Variants in MAP3K5 observed in about 807,000 individuals in gnomAD.
MAP3K5 encodes ASK-1.
A neutral mutation model predicts 158.7 loss-of-function variants in MAP3K5; 56 were observed. The observed-to-expected ratio is 0.35, with a 90% confidence interval of 0.28 to 0.44. The LOEUF (loss-of-function observed/expected upper bound fraction) is 0.44, where lower values mean the gene tolerates loss of function less well. Among genes scored for constraint, MAP3K5 ranks in the 20% least tolerant of loss-of-function variants. The pLI, the probability that MAP3K5 is intolerant of heterozygous loss-of-function variation, is 1.00. For missense variants in MAP3K5, 1,294 were observed against 1,674.8 expected (o/e 0.77, Z 3.97); for synonymous variants, 579 against 601.7 (o/e 0.96, Z 0.55).
At chr6:136,592,833 G>A (rs2129081541) in intron 21 of MAP3K5, 1 of 606,076 alleles carries the variant, frequency 1.6e-6, no homozygotes, top group Admixed American at 2.1e-5. Context: ...CCAGGCCCTG[G>A]GAGGGATATC....
chr6:136,564,960 C>G (rs1329731290), intron 26 of MAP3K5, among the ~76,000 whole-genome samples: 1 of 151,974 alleles, frequency 6.6e-6, no homozygotes, highest in Non-Finnish European at 1.5e-5. Context: ...CGTCACTTTA[C>G]TTTTATTTTC....
At chr6:136,611,238 T>G in intron 18 of MAP3K5, 44 bp downstream of exon 18, 1 of 1,220,638 alleles carries the variant, frequency 8.2e-7, no homozygotes, top group Non-Finnish European at 1.2e-6. Context: ...CAGCAATTAT[T>G]TCTTTAATTA....
intron 23 of MAP3K5, among the ~76,000 whole-genome samples, chr6:136,591,334 G>A (rs1775377484): frequency 2.0e-5 from 3 of 152,260 alleles, no homozygotes; most frequent in Non-Finnish European, 4.4e-5. Context: ...GTGTGTGTGT[G>A]TATGTACCCT....
At chr6:136,713,342 G>A (rs1359673532) in intron 2 of MAP3K5, among the ~76,000 whole-genome samples, 2 of 152,212 alleles carry the variant, frequency 1.3e-5, no homozygotes, top group African/African-American at 4.8e-5. Flanking sequence ...ATTCAAAACA[G>A]TGGGCAAGGA....
At chr6:136,558,910 T>C in intron 28 of MAP3K5, 34 bp from the exon 29 acceptor site, 1 of 1,029,282 alleles carries the variant, frequency 9.7e-7, no homozygotes. Flanking sequence ...CAAAAGATGT[T>C]TTATATAACT....
At chr6:136,592,085 T>G (rs1775411294) in intron 23 of MAP3K5, 88 bp downstream of exon 23, 2 of 1,291,894 alleles carry the variant, frequency 1.5e-6, no homozygotes, top group Admixed American at 5.0e-5. Flanking sequence ...CCTCTTGCCT[T>G]TCACATCATC....
chr6:136,614,085 T>C lies in MAP3K5; in HGVS notation c.2278+74A>G, dbSNP rs1056136909. The C allele has an allele frequency of 2.0e-6, 3 of 1,535,602 alleles. No individual in the cohort carries two copies. The African/African-American group carries it at 4.2e-5, about 21-fold the overall frequency. ...AGACAGATTAAGACCTGTACGCTAGTAAATCCCATTCAATTTTACTCCCCT... is the reference window on the plus strand; with the variant it reads ...AGACAGATTAAGACCTGTACGCTAGCAAATCCCATTCAATTTTACTCCCCT... On this transcript the variant is annotated intron_variant, in intron 16 of 29. Coordinates refer to ENST00000359015, the MANE Select transcript of MAP3K5 (RefSeq NM_005923.4).
chr6:136,743,168 C>T (rs1006385358), intron 1 of MAP3K5, among the ~76,000 whole-genome samples: 18 of 151,790 alleles, frequency 1.2e-4, no homozygotes, highest in African/African-American at 3.9e-4. Flanking sequence ...CATTAAGATA[C>T]GGCTGGGCGC....
chr6:136,782,942 C>CTGGT (rs1784678952), intron 1 of MAP3K5, among the ~76,000 whole-genome samples: 1 of 152,228 alleles, frequency 6.6e-6, no homozygotes, highest in Non-Finnish European at 1.5e-5. Context: ...TGCTTTTCCA[C>CTGGT]TAACCTGGCA....
intron 1 of MAP3K5, among the ~76,000 whole-genome samples, chr6:136,726,636 G>T (rs1342912532): frequency 6.6e-6 from 1 of 151,686 alleles, no homozygotes; most frequent in African/African-American, 2.4e-5. Context: ...TACTTAGGCC[G>T]TCGTTTTTTA....
chr6:136,646,080 G>GA (rs1431542795), intron 11 of MAP3K5, among the ~76,000 whole-genome samples: 1 of 152,090 alleles, frequency 6.6e-6, no homozygotes, highest in Non-Finnish European at 1.5e-5. Flanking sequence ...AAAAAATTGA[G>GA]AAAATGGTAG....
At chr6:136,757,869 C>T (rs1783576041) in intron 1 of MAP3K5, among the ~76,000 whole-genome samples, 1 of 152,102 alleles carries the variant, frequency 6.6e-6, no homozygotes, top group Non-Finnish European at 1.5e-5. Flanking sequence ...CAGGCATGAG[C>T]CACTGTGCCC....
Position 136,557,718 on chromosome 6 carries a change from A to G in MAP3K5, c.*40T>C, listed in dbSNP as rs761939372. 6 of 1,479,216 alleles carry G rather than the reference A, an allele frequency of 4.1e-6. No individual in the cohort carries two copies. The highest frequency in any genetic ancestry group is 1.7e-5 in the Admixed American group (1 of 59,794). The allele number at this position is 1,479,216 out of a possible 1,614,324, so 91.6% of individuals were successfully genotyped here. A position where few individuals can be genotyped will look rare whatever the true frequency, so the allele number is the denominator to read the frequency against. On this transcript the variant is annotated 3_prime_UTR_variant, in exon 30 of 30. Transcript: ENST00000359015. ...CCCCCAAGAAGATCAGCTCTGTATTAATTTTTAGAATTTCCATCGAAGATT... is the reference window on the plus strand; with the variant it reads ...CCCCCAAGAAGATCAGCTCTGTATTGATTTTTAGAATTTCCATCGAAGATT...
intron 11 of MAP3K5, chr6:136,647,925 C>T (rs899948247): frequency 1.3e-5 from 2 of 152,296 alleles, no homozygotes; most frequent in East Asian, 1.9e-4. Context: ...GTCCACAGAA[C>T]TCAAAAGAAC....
intron 15 of MAP3K5, among the ~76,000 whole-genome samples, chr6:136,618,622 CGTT>C (rs1562551613): frequency 6.6e-6 from 1 of 152,104 alleles, no homozygotes; most frequent in East Asian, 1.9e-4. Flanking sequence ...GTGATGACCT[CGTT>C]AAATTTCATA....
intron 3 of MAP3K5, among the ~76,000 whole-genome samples, chr6:136,698,988 A>T (rs1159281987): frequency 1.3e-5 from 2 of 152,212 alleles, no homozygotes. Context: ...AGTAGTTTAA[A>T]GCATGGCCTT....
Position 136,791,839 on chromosome 6 carries a change from C to T in MAP3K5, c.319G>A (p.Val107Met), listed in dbSNP as rs777655082. 10 of 1,613,772 alleles carry T rather than the reference C, an allele frequency of 6.2e-6. No individual in the cohort carries two copies. In the Admixed American group the frequency reaches 8.3e-5, roughly 13 times the overall value. The stretch of plus-strand genomic sequence containing the variant: ...CTCTGCAGGGCCTCGCTCTCGGCCA[C>T]CACCAGTTGCCCTTGGCTCGCTTCG... ...INEASQGQLV[V>M]AESEALQSLR... Residue 107 changes from valine (V) to methionine (M), a missense_variant, in exon 1 of 30, where the codon GTG becomes ATG. This residue lies in a region of MAP3K5 where 690 missense variants were observed against 870.5 expected (regional missense o/e 0.79). Transcript: ENST00000359015.
chr6:136,672,938 C>T (rs1421488231), intron 7 of MAP3K5, among the ~76,000 whole-genome samples: 1 of 143,830 alleles, frequency 7.0e-6, no homozygotes, highest in African/African-American at 2.6e-5. Flanking sequence ...TGCAGTGAGC[C>T]AAGATCACAC....
At chr6:136,558,191 A>G (rs1022807169) in intron 29 of MAP3K5, among the ~76,000 whole-genome samples, 1 of 152,328 alleles carries the variant, frequency 6.6e-6, no homozygotes. Flanking sequence ...ATCCTGGCTA[A>G]CACAGTGAAA....
Sources: gnomAD v4.1 joint callset for allele counts (sites outside exome capture counted in the v4.1 genomes callset) on GRCh38, gnomAD v4.1.1 for gene constraint, gnomAD v4.1.1 regional missense constraint, MANE v1.5 for transcripts, NCBI Gene and HGNC (gene_info 2026-07-23, HGNC 2026-07-21) for gene names.